Variants in WDHD1 observed in about 807,000 individuals in gnomAD.
WDHD1 encodes WD repeat and HMG-box DNA-binding protein 1.
WDHD1 carries 111 observed loss-of-function variants against 135.4 expected under a neutral mutation model. That is an observed-to-expected ratio of 0.82 (90% CI 0.70 to 0.96). The LOEUF (loss-of-function observed/expected upper bound fraction) is 0.96, where lower values mean the gene tolerates loss of function less well. Among genes scored for constraint, WDHD1 ranks in the 40% least tolerant of loss-of-function variants. The pLI is 0.00. For missense variants in WDHD1, 1,351 were observed against 1,336.3 expected (o/e 1.01, Z -0.17); for synonymous variants, 434 against 439.0 (o/e 0.99, Z 0.14).
At chr14:54,970,734 G>GA (rs2041418717) in intron 16 of WDHD1, among the ~76,000 whole-genome samples, 1 of 151,502 alleles carries the variant, frequency 6.6e-6, no homozygotes, top group Non-Finnish European at 1.5e-5. Context: ...CACAGAATTA[G>GA]AAAAAACTAT....
intron 24 of WDHD1, among the ~76,000 whole-genome samples, chr14:54,952,558 C>A (rs1264629395): frequency 1.3e-5 from 2 of 152,204 alleles, no homozygotes; most frequent in Non-Finnish European, 2.9e-5. Context: ...GTGAAAACGG[C>A]CATCCTGTCC....
At chr14:54,973,855 TTTA>T (rs151100503) in intron 16 of WDHD1, among the ~76,000 whole-genome samples, 3,750 of 152,244 alleles carry the variant, frequency 0.025, 65 homozygotes, top group South Asian at 0.04. Context: ...TGAGTAGGAT[TTTA>T]TTAAGTTACT....
chr14:54,944,571 T>C (rs779829069), intron 24 of WDHD1, 101 bp from the exon 25 acceptor site: 16 of 1,164,910 alleles, frequency 1.4e-5, no homozygotes, highest in Non-Finnish European at 1.9e-5. Context: ...TGACATCTAT[T>C]ATATAAAGTA....
intron 22 of WDHD1, 111 bp downstream of exon 22, chr14:54,957,481 G>T (rs756979571): frequency 9.9e-7 from 1 of 1,014,652 alleles, no homozygotes; most frequent in Non-Finnish European, 1.4e-6. Flanking sequence ...TTTCCACACA[G>T]ATCAGTCTTT....
chr14:54,982,758 T>C (rs1213029568), intron 15 of WDHD1, among the ~76,000 whole-genome samples: 1 of 152,138 alleles, frequency 6.6e-6, no homozygotes, highest in African/African-American at 2.4e-5. Flanking sequence ...TTAGAAATGG[T>C]TGATATTTTA....
chr14:54,989,881 C>T (rs1206932812), intron 12 of WDHD1, among the ~76,000 whole-genome samples: 2 of 152,034 alleles, frequency 1.3e-5, no homozygotes, highest in Non-Finnish European at 2.9e-5. Flanking sequence ...CCAGGCTGGT[C>T]TCCAACTCCT....
chr14:55,013,664 G>A, intron 2 of WDHD1, 68 bp from the exon 3 acceptor site: 1 of 1,201,238 alleles, frequency 8.3e-7, no homozygotes, highest in Non-Finnish European at 1.2e-6. Context: ...CTAGCACTTT[G>A]GGAGTACAAG....
At chr14:54,955,733 A>ATAATTT in intron 23 of WDHD1, 39 bp from the exon 24 acceptor site, 1 of 1,409,176 alleles carries the variant, frequency 7.1e-7, no homozygotes, top group Middle Eastern at 2.7e-4. Flanking sequence ...AACATCTAGT[A>ATAATTT]TAATTTTATA....
At chr14:54,970,772 A>G (rs2041419150) in intron 16 of WDHD1, among the ~76,000 whole-genome samples, 1 of 152,210 alleles carries the variant, frequency 6.6e-6, no homozygotes, top group South Asian at 2.1e-4. Context: ...ACCAAAAAAG[A>G]GCCCAAATAG....
intron 4 of WDHD1, 75 bp from the exon 5 acceptor site, chr14:55,008,794 T>C: frequency 9.0e-7 from 1 of 1,110,388 alleles, no homozygotes; most frequent in South Asian, 1.6e-5. Flanking sequence ...GATCCAAATA[T>C]TTCTTTTTTT....
Position 54,941,342 on chromosome 14 carries a change from A to G in WDHD1, c.*148T>C. On this transcript the variant is annotated 3_prime_UTR_variant, in exon 26 of 26. Coordinates refer to ENST00000360586, the MANE Select transcript of WDHD1 (RefSeq NM_007086.4). ...TACATATGTCCTGTTACCTACACCA[A>G]TATAATTACTACATTATCTTATAAA... is the stretch of plus-strand genomic sequence containing the variant. 1 of 630,208 alleles carries G rather than the reference A, an allele frequency of 1.6e-6. No individual in the cohort carries two copies. Among genetic ancestry groups the G allele is most frequent in the Non-Finnish European group, 2.5e-6 (1 of 396,794 alleles). The allele number at this position is 630,208 out of a possible 1,614,324, so 39.0% of individuals were successfully genotyped here.
intron 11 of WDHD1, among the ~76,000 whole-genome samples, chr14:54,993,092 C>G (rs1196309794): frequency 6.6e-6 from 1 of 152,102 alleles, no homozygotes; most frequent in Non-Finnish European, 1.5e-5. Context: ...ATTCAACATT[C>G]AAGTCAGACC....
intron 2 of WDHD1, among the ~76,000 whole-genome samples, chr14:55,020,898 TAAAG>T (rs1228666463): frequency 2.0e-5 from 3 of 152,164 alleles, no homozygotes; most frequent in African/African-American, 7.2e-5. Flanking sequence ...AGGAAAATCA[TAAAG>T]AGGAGAAAAA....
Position 54,987,196 on chromosome 14 carries a change from A to G in WDHD1, c.1718T>C (p.Val573Ala). 1 of 1,614,216 alleles carries G rather than the reference A, an allele frequency of 6.2e-7. No homozygotes were observed. Among genetic ancestry groups the G allele is most frequent in the Non-Finnish European group, 8.5e-7 (1 of 1,180,024 alleles). ...QKEVFSLAGP[V>A]VSMAGHGEQL... is the part of the protein sequence containing the mutation. ...TTCTCCATGTCCTGCCATTGACACC[A>G]CAGGTCCAGCAAGGCTGAATACCTC... Residue 573 changes from valine to alanine, a missense_variant, in exon 14 of 26, where the codon GTG becomes GCG. This residue lies in a region of WDHD1 where 1,330 missense variants were observed against 1,296.1 expected (regional missense o/e 1.03). Transcript: ENST00000360586.
rs568173227 is a variant in WDHD1 at position 55,018,619 on chromosome 14, CAG to C, written c.78-5025_78-5024del. Among the ~76,000 whole-genome samples, 36 of 152,258 alleles carry C rather than the reference CAG, an allele frequency of 2.4e-4. No homozygotes were observed. The East Asian group carries it at 6.7e-3, about 29-fold the overall frequency. On this transcript the variant is annotated intron_variant, in intron 2 of 25. Transcript: ENST00000360586. ...TGTACCCTGAATGGAGATAAAAAGA[CAG>C]AACCTATAAAAATACTGAGGCTGAA...
intron 24 of WDHD1, among the ~76,000 whole-genome samples, chr14:54,949,992 A>G (rs2041013463): frequency 6.6e-6 from 1 of 152,210 alleles, no homozygotes; most frequent in Non-Finnish European, 1.5e-5. Flanking sequence ...TCCTGAAAGA[A>G]GCACTAAACA....
At chr14:55,016,590 C>T (rs1566744848) in intron 2 of WDHD1, among the ~76,000 whole-genome samples, 1 of 152,176 alleles carries the variant, frequency 6.6e-6, no homozygotes, top group African/African-American at 2.4e-5. Flanking sequence ...CATGATTCTT[C>T]CTAAGAACTC....
rs373083832 is a variant in WDHD1, at chr14:54,992,055, G to A, written c.1154-655C>T. 1.5e-3 allele frequency among the ~76,000 whole-genome samples: 233 copies of A among 152,028 alleles called. 1 individual carries two copies. The highest frequency in any genetic ancestry group is 5.4e-3 in the African/African-American group (224 of 41,466). ...GATCACTTAAGGTCGGGAGTTCCAC[G>A]TTGACCAGCCTGGCCAACATGGTGA... On this transcript the variant is annotated intron_variant, in intron 11 of 25. Transcript: ENST00000360586.
chr14:54,941,392 TA>T lies in WDHD1; in HGVS notation c.*97del. On this transcript the variant is annotated 3_prime_UTR_variant, in exon 26 of 26. Transcript: ENST00000360586. The stretch of plus-strand genomic sequence containing the variant: ...AGACAAACAGTTGCTTCAAACTCTT[TA>T]AAAAATATATATATAATGAGTTTCC... The T allele has an allele frequency of 9.7e-7, 1 of 1,029,660 alleles. No individual in the cohort carries two copies. The highest frequency in any genetic ancestry group is 1.4e-6 in the Non-Finnish European group (1 of 735,920). The allele number at this position is 1,029,660 out of a possible 1,614,324, so 63.8% of individuals were successfully genotyped here.
Sources: gnomAD v4.1 joint callset for allele counts (sites outside exome capture counted in the v4.1 genomes callset) on GRCh38, gnomAD v4.1.1 for gene constraint, gnomAD v4.1.1 regional missense constraint, MANE v1.5 for transcripts, NCBI Gene and HGNC (gene_info 2026-07-23, HGNC 2026-07-21) for gene names.